Variants in THEMIS observed in about 807,000 individuals in gnomAD.
The protein encoded by THEMIS is thymocyte selection associated.
In THEMIS, 37 loss-of-function variants were observed where a neutral mutation model predicts 52.6. The ratio of observed to expected loss-of-function variants is 0.70; its 90% CI spans 0.54 to 0.93. The LOEUF (loss-of-function observed/expected upper bound fraction) is 0.93. THEMIS is among the 40% of genes least tolerant of loss of function. The probability of loss-of-function intolerance (pLI) is 0.00; values close to 1 mark genes in which losing one functional copy is unlikely to be tolerated. For synonymous variants in THEMIS, 292 were observed against 272.7 expected, an observed-to-expected ratio of 1.07 and a Z score of -0.70; for missense variants, 808 against 763.1, an observed-to-expected ratio of 1.06 and a Z score of -0.69.
chr6:127,722,743 T>C lies in THEMIS; in HGVS notation c.1759-2920A>G, dbSNP rs577762196. 6.6e-5 allele frequency among the ~76,000 whole-genome samples: 10 copies of C among 152,138 alleles called. No homozygotes were observed. In the East Asian group the frequency reaches 1.9e-3, roughly 30 times the overall value. ...GCAAAACATGTCTGCTACTTTGATA[T>C]TCCTGTCGTCTAACTGTGTGCCGTC... On this transcript the variant is annotated intron_variant, in intron 4 of 5. Transcript: ENST00000368248.
intron 4 of THEMIS, among the ~76,000 whole-genome samples, chr6:127,737,157 A>C (rs565757122): frequency 6.6e-6 from 1 of 152,258 alleles, no homozygotes; most frequent in Non-Finnish European, 1.5e-5. Flanking sequence ...TACCTTTCAG[A>C]GTGTAGCTAC....
chr6:127,870,533 C>T (rs961419656), intron 1 of THEMIS, among the ~76,000 whole-genome samples: 8 of 152,168 alleles, frequency 5.3e-5, no homozygotes, highest in Admixed American at 2.0e-4. Context: ...GATTTAAATA[C>T]GTTTTTTTAA....
At chr6:127,865,391 G>A (rs1450335522) in intron 1 of THEMIS, among the ~76,000 whole-genome samples, 1 of 152,070 alleles carries the variant, frequency 6.6e-6, no homozygotes, top group Non-Finnish European at 1.5e-5. Flanking sequence ...TGTACATAAA[G>A]TTTGAACACC....
chr6:127,811,222 T>C (rs1242430136), intron 4 of THEMIS, among the ~76,000 whole-genome samples: 5 of 152,180 alleles, frequency 3.3e-5, no homozygotes, highest in Non-Finnish European at 7.3e-5. Context: ...ACTTAGTGGC[T>C]TAAATAATAC....
chr6:127,756,178 A>G (rs1775819338), intron 4 of THEMIS, among the ~76,000 whole-genome samples: 1 of 152,246 alleles, frequency 6.6e-6, no homozygotes, highest in Non-Finnish European at 1.5e-5. Flanking sequence ...TTATGTTACA[A>G]GTATAATTAT....
chr6:127,784,896 G>A (rs184374833), intron 4 of THEMIS, among the ~76,000 whole-genome samples: 1 of 152,016 alleles, frequency 6.6e-6, no homozygotes, highest in Admixed American at 6.6e-5. Context: ...CTTTCATAAG[G>A]TTTATCTATA....
At chr6:127,704,208 C>A (rs2114433609), downstream of THEMIS, among the ~76,000 whole-genome samples, 1 of 152,240 alleles carries the variant, frequency 6.6e-6, no homozygotes, top group Middle Eastern at 3.4e-3. Context: ...TTTAGTAAGG[C>A]TTTTGGGGTT....
chr6:127,698,003 A>G, the THEMIS span, among the ~76,000 whole-genome samples: 1 of 152,158 alleles, frequency 6.6e-6, no homozygotes, highest in Non-Finnish European at 1.5e-5. Flanking sequence ...ACCTTTTACA[A>G]TTTAAATTAA....
At chr6:127,771,678 G>A (rs1776389625) in intron 4 of THEMIS, among the ~76,000 whole-genome samples, 1 of 152,032 alleles carries the variant, frequency 6.6e-6, no homozygotes, top group African/African-American at 2.4e-5. Flanking sequence ...ATGTCAAGTT[G>A]GAAGTTAGAA....
intron 5 of THEMIS, among the ~76,000 whole-genome samples, chr6:127,712,946 T>TTTC (rs1774032839): frequency 6.6e-6 from 1 of 151,908 alleles, no homozygotes; most frequent in Non-Finnish European, 1.5e-5. Context: ...AAACCTGATG[T>TTTC]TTCCTAAAGT....
At chr6:127,699,095 ACTTCT>A in the THEMIS span, among the ~76,000 whole-genome samples, 1 of 151,678 alleles carries the variant, frequency 6.6e-6, no homozygotes, top group African/African-American at 2.4e-5. Context: ...AAAGAGTTAG[ACTTCT>A]CTTCTCACAG....
At chr6:127,761,868 A>G (rs1248966134) in intron 4 of THEMIS, among the ~76,000 whole-genome samples, 1 of 152,126 alleles carries the variant, frequency 6.6e-6, no homozygotes, top group Non-Finnish European at 1.5e-5. Flanking sequence ...TTAAAAATAG[A>G]ACTACCATAT....
At chr6:127,871,983 G>T (rs1317296599) in intron 1 of THEMIS, among the ~76,000 whole-genome samples, 1 of 150,220 alleles carries the variant, frequency 6.7e-6, no homozygotes, top group Non-Finnish European at 1.5e-5. Flanking sequence ...AAACCAGACA[G>T]ACAGCACACA....
intron 2 of THEMIS, among the ~76,000 whole-genome samples, chr6:127,834,296 C>A (rs962509716): frequency 6.6e-6 from 1 of 151,332 alleles, no homozygotes; most frequent in East Asian, 2.0e-4. Flanking sequence ...TGGGGCCAGG[C>A]GTGGTGAGTC....
intron 2 of THEMIS, among the ~76,000 whole-genome samples, chr6:127,852,180 T>C (rs1779449854): frequency 1.3e-5 from 2 of 151,496 alleles, no homozygotes; most frequent in Admixed American, 6.6e-5. Flanking sequence ...GGTCACTCCA[T>C]CAACAAGAGA....
chr6:127,868,134 C>A (rs1030894927), intron 1 of THEMIS, among the ~76,000 whole-genome samples: 5 of 152,120 alleles, frequency 3.3e-5, no homozygotes, highest in Non-Finnish European at 5.9e-5. Flanking sequence ...AATAATATTA[C>A]CTCAAATGGC....
chr6:127,907,513 A>C (rs1781305893), intron 1 of THEMIS, among the ~76,000 whole-genome samples: 1 of 151,794 alleles, frequency 6.6e-6, no homozygotes, highest in Admixed American at 6.6e-5. Context: ...GATTGATCAA[A>C]CTTGGCTCAC....
intron 3 of THEMIS, among the ~76,000 whole-genome samples, chr6:127,826,855 G>A (rs1778523903): frequency 6.6e-6 from 1 of 152,052 alleles, no homozygotes; most frequent in South Asian, 2.1e-4. Flanking sequence ...ATCATTAAAT[G>A]TGTGATGAGG....
chr6:127,713,683 A>G (rs886529107), intron 5 of THEMIS, among the ~76,000 whole-genome samples: 2 of 151,926 alleles, frequency 1.3e-5, no homozygotes, highest in African/African-American at 4.8e-5. Flanking sequence ...TGAAAGCCAC[A>G]TGGATCTCTG....
Sources: allele counts gnomAD v4.1 joint callset (sites outside exome capture counted in the v4.1 genomes callset), GRCh38; gene constraint gnomAD v4.1.1; transcripts MANE v1.5; gene names NCBI Gene and HGNC (gene_info 2026-07-23, HGNC 2026-07-21).